NTRK3: variants seen among roughly 807,000 people sequenced by gnomAD.
NTRK3 encodes the protein neurotrophic receptor tyrosine kinase 3, also known as NT-3 growth factor receptor.
Under a neutral mutation model 91.7 loss-of-function variants are expected in NTRK3, and 24 were observed. The ratio of observed to expected loss-of-function variants is 0.26; its 90% CI spans 0.19 to 0.37. NTRK3 has a LOEUF of 0.37. Among genes scored for constraint, NTRK3 ranks in the 10% least tolerant of loss-of-function variants. The pLI is 1.00. For synonymous variants in NTRK3, 483 were observed against 404.0 expected, an observed-to-expected ratio of 1.20 and a Z score of -2.34; for missense variants, 880 against 1,068.9, an observed-to-expected ratio of 0.82 and a Z score of 2.46.
chr15:88,200,000 C>T lies in NTRK3; in HGVS notation c.249-15701G>A, dbSNP rs74969226. 5.3e-3 allele frequency among the ~76,000 whole-genome samples: 808 copies of T among 152,332 alleles called. 7 individuals are homozygous for T. Among genetic ancestry groups the T allele is most frequent in the African/African-American group, 0.013 (553 of 41,564 alleles). On this transcript the variant is annotated intron_variant, in intron 3 of 18. Transcript: ENST00000394480. ...GAGCCAGAACACACCAGGATTCTCA[C>T]GTCCAACCCCAATCAGCTCTCTTCT...
rs557056049 is a variant in NTRK3, at chr15:88,241,643, C to G, written c.248+14263G>C. The stretch of plus-strand genomic sequence containing the variant: ...CAGAATGCCAGCTGGGTGCTGGGAG[C>G]AGGAAGCGGGGCTACCCTTCAATAC... On this transcript the variant is annotated intron_variant, in intron 3 of 18. Coordinates refer to ENST00000394480, the Ensembl canonical transcript of NTRK3. This position sits in a 1 kb window ranked among gnomAD's most constrained non-coding sequence, Gnocchi z 4.3. Among the ~76,000 whole-genome samples, 1 of 152,090 alleles carries G rather than the reference C, an allele frequency of 6.6e-6. No individual in the cohort carries two copies. Among genetic ancestry groups the G allele is most frequent in the Admixed American group, 6.5e-5 (1 of 15,290 alleles).
At chr15:87,948,075 G>T (rs1012073275) in intron 14 of NTRK3, among the ~76,000 whole-genome samples, 1 of 152,144 alleles carries the variant, frequency 6.6e-6, no homozygotes, top group African/African-American at 2.4e-5. Context: ...TTCTATGAAT[G>T]GCAAGCAAGA....
intron 13 of NTRK3, among the ~76,000 whole-genome samples, chr15:88,121,655 C>T (rs1322966464): frequency 6.6e-6 from 1 of 152,142 alleles, no homozygotes; most frequent in Non-Finnish European, 1.5e-5. Context: ...CACAAGTACA[C>T]ACCTCCCAAC....
chr15:88,014,935 G>A (rs1238883853), intron 14 of NTRK3, among the ~76,000 whole-genome samples: 2 of 152,188 alleles, frequency 1.3e-5, no homozygotes, highest in African/African-American at 4.8e-5. Context: ...TCCAAATCTA[G>A]GCAAACTTCC....
intron 5 of NTRK3, among the ~76,000 whole-genome samples, chr15:88,159,348 G>A (rs2044218941): frequency 1.3e-5 from 2 of 152,232 alleles, no homozygotes; most frequent in Admixed American, 1.3e-4. Flanking sequence ...CAAGCCAAGT[G>A]TGGATTTGAG....
intron 14 of NTRK3, among the ~76,000 whole-genome samples, chr15:88,032,212 G>A (rs1366146129): frequency 6.6e-6 from 1 of 152,072 alleles, no homozygotes; most frequent in African/African-American, 2.4e-5. Flanking sequence ...AGCTCAGAGG[G>A]GGCCTAGCAG....
intron 14 of NTRK3, among the ~76,000 whole-genome samples, chr15:87,991,094 C>T (rs1253628812): frequency 6.6e-6 from 1 of 152,304 alleles, no homozygotes; most frequent in East Asian, 1.9e-4. Context: ...CAGAATGTGG[C>T]ACCTTGACCA....
chr15:88,247,968 C>G (rs577174198), intron 3 of NTRK3, among the ~76,000 whole-genome samples: 1 of 152,228 alleles, frequency 6.6e-6, no homozygotes, highest in South Asian at 2.1e-4. Flanking sequence ...AGACACCCCC[C>G]TTTTGCTCTG....
In NTRK3 at chr15:87,934,589, T is replaced by TG. The variant is rs537012666; in HGVS notation, c.1717-1406dup. Among the ~76,000 whole-genome samples, 60 of 152,160 alleles carry TG rather than the reference T, an allele frequency of 3.9e-4. No individual in the cohort carries two copies. The South Asian group carries it at 1.0e-2, about 25-fold the overall frequency. ...GTGAATATGCCAAAAGAGGTGTATC[T>TG]GGGGGGGTCCATCAAACCTCTCAGC... On this transcript the variant is annotated intron_variant, in intron 15 of 18. Transcript: ENST00000394480.
chr15:88,212,090 C>T (rs534034624), intron 3 of NTRK3, among the ~76,000 whole-genome samples: 2 of 152,148 alleles, frequency 1.3e-5, no homozygotes, highest in Admixed American at 6.5e-5. Flanking sequence ...TCTAACAGGC[C>T]GGGCACGGTG....
At chr15:88,212,104 C>T (rs2049299011) in intron 3 of NTRK3, among the ~76,000 whole-genome samples, 1 of 152,214 alleles carries the variant, frequency 6.6e-6, no homozygotes. Flanking sequence ...CACGGTGGCT[C>T]ACACCTGTAA....
At position 88,135,253 on chromosome 15, in the gene NTRK3, T is replaced by A. The variant is rs978156338; in HGVS notation, c.1052A>T (p.Glu351Val). 23 of 1,614,102 alleles carry A rather than the reference T, an allele frequency of 1.4e-5. No homozygotes were observed. The highest frequency in any genetic ancestry group is 1.9e-5 in the Non-Finnish European group (23 of 1,180,038). The change falls in exon 10 of 19, where the codon GAA becomes GTA. Residue 351 changes from glutamate (E) to valine (V), a missense_variant. Coordinates refer to ENST00000394480, the Ensembl canonical transcript of NTRK3. Reference sequence around the variant, plus strand: ...GGAAATCTCTCCCTCTTGGTAGTATTCCACATGGATGATCTTGGACTCCCG... The same window carrying A: ...GGAAATCTCTCCCTCTTGGTAGTATACCACATGGATGATCTTGGACTCCCG...
intron 14 of NTRK3, among the ~76,000 whole-genome samples, chr15:87,996,471 A>G (rs573326822): frequency 6.6e-6 from 1 of 152,234 alleles, no homozygotes; most frequent in South Asian, 2.1e-4. Context: ...GAAACTTGGC[A>G]TCAGATTAAA....
intron 3 of NTRK3, among the ~76,000 whole-genome samples, chr15:88,211,208 G>T (rs1317207508): frequency 6.6e-6 from 1 of 152,094 alleles, no homozygotes; most frequent in Non-Finnish European, 1.5e-5. Context: ...CCAGTCCCTG[G>T]CAACTATGGA....
intron 5 of NTRK3, among the ~76,000 whole-genome samples, chr15:88,160,619 A>G (rs1022005328): frequency 3.9e-5 from 6 of 152,202 alleles, no homozygotes; most frequent in South Asian, 2.1e-4. Context: ...ATGTGAGCAC[A>G]CCATTGGCCT....
Position 88,057,946 on chromosome 15 carries a change from T to C in NTRK3, c.1397-24901A>G, listed in dbSNP as rs112991172. ...TGCCAGTATGGGGCTGACACACCAC[T>C]GACACAGTGAATCACTTGCAAAGGA... On this transcript the variant is annotated intron_variant, in intron 13 of 18. Coordinates refer to ENST00000394480, the Ensembl canonical transcript of NTRK3. Among the ~76,000 whole-genome samples, 579 of 152,310 alleles carry C rather than the reference T, an allele frequency of 3.8e-3. 3 individuals carry two copies. The highest frequency in any genetic ancestry group is 0.013 in the African/African-American group (553 of 41,570).
intron 13 of NTRK3, among the ~76,000 whole-genome samples, chr15:88,104,716 T>G (rs2050522377): frequency 6.6e-6 from 1 of 152,196 alleles, no homozygotes; most frequent in African/African-American, 2.4e-5. Flanking sequence ...CAATCCTGTG[T>G]GCTGAGCTCA....
At chr15:88,033,450 A>T (rs984340497) in intron 13 of NTRK3, among the ~76,000 whole-genome samples, 4 of 151,542 alleles carry the variant, frequency 2.6e-5, no homozygotes, top group Non-Finnish European at 5.9e-5. Context: ...AGCTGGGATT[A>T]CAGGTGCCTG....
chr15:88,059,049 AACACACAC>A (rs56706510), intron 13 of NTRK3, among the ~76,000 whole-genome samples: 3 of 144,622 alleles, frequency 2.1e-5, no homozygotes, highest in Admixed American at 1.4e-4. Context: ...CTCACACACA[AACACACAC>A]ACACACACAC....
Sources: gnomAD v4.1 joint callset for allele counts (sites outside exome capture counted in the v4.1 genomes callset) on GRCh38, gnomAD v4.1.1 for gene constraint, Gnocchi (gnomAD v3.1) non-coding constraint, MANE v1.5 for transcripts, NCBI Gene and HGNC (gene_info 2026-07-23, HGNC 2026-07-21) for gene names.